The following PPP2R1A variants were observed in gnomAD, a reference collection of about 807,000 sequenced individuals.
PPP2R1A encodes protein phosphatase 2 scaffold subunit Aalpha, also known as serine/threonine-protein phosphatase 2A 65 kDa regulatory subunit A alpha isoform.
PPP2R1A carries 15 observed loss-of-function variants against 67.1 expected under a neutral mutation model. The observed-to-expected ratio is 0.22, with a 90% CI of 0.15 to 0.34. The LOEUF (loss-of-function observed/expected upper bound fraction) is 0.34. PPP2R1A is among the 10% of genes least tolerant of loss of function. The probability of loss-of-function intolerance (pLI) is 1.00; values close to 1 mark genes in which losing one functional copy is unlikely to be tolerated. For missense variants in PPP2R1A, 369 were observed against 775.0 expected (o/e 0.48, Z 6.22); for synonymous variants, 337 against 325.0 (o/e 1.04, Z -0.40).
At chr19:52,221,489 A>G (rs1016542975) in intron 12 of PPP2R1A, among the ~76,000 whole-genome samples, 3 of 152,124 alleles carry the variant, frequency 2.0e-5, no homozygotes, top group Non-Finnish European at 2.9e-5. Flanking sequence ...GGTCAGACCT[A>G]GTTTTAAATT....
Position 52,212,619 on chromosome 19 carries a change from A to G in PPP2R1A, c.504-67A>G. ...CTAAAACCTGGACCCACACAACTGC[A>G]GAGTCTGTGCTTGCTCCTCTCTGCC... On this transcript the variant is annotated intron_variant, in intron 4 of 14. Transcript: ENST00000322088. This position sits in a 1 kb window ranked among gnomAD's most constrained non-coding sequence, Gnocchi z 4.1. The G allele has an allele frequency of 6.4e-7, 1 of 1,572,498 alleles. No homozygotes were observed. Among genetic ancestry groups the G allele is most frequent in the Non-Finnish European group, 8.6e-7 (1 of 1,160,790 alleles).
intron 1 of PPP2R1A, among the ~76,000 whole-genome samples, chr19:52,190,823 T>A (rs1471042884): frequency 1.3e-5 from 2 of 152,092 alleles, no homozygotes; most frequent in Non-Finnish European, 2.9e-5. Context: ...TTGACCAGGA[T>A]AGGGGTTGAG....
chr19:52,190,357 G>T (rs2089441807), intron 1 of PPP2R1A, 183 bp downstream of exon 1: 1 of 694,050 alleles, frequency 1.4e-6, no homozygotes, highest in Non-Finnish European at 2.5e-6. Flanking sequence ...TTGGGTGTCG[G>T]CCCAGTGGAG....
At chr19:52,205,562 T>C (rs1386358088) in intron 2 of PPP2R1A, among the ~76,000 whole-genome samples, 2 of 152,156 alleles carry the variant, frequency 1.3e-5, no homozygotes, top group Non-Finnish European at 2.9e-5. Flanking sequence ...GAGGGAACAG[T>C]GCTGAGGGGA....
At chr19:52,200,633 C>T (rs1251506371) in intron 1 of PPP2R1A, among the ~76,000 whole-genome samples, 4 of 152,142 alleles carry the variant, frequency 2.6e-5, no homozygotes, top group African/African-American at 9.7e-5. Context: ...TTCTGGAGGC[C>T]GGAAGTCTGA....
At chr19:52,214,729 C>T (rs911857482) in intron 6 of PPP2R1A, among the ~76,000 whole-genome samples, 8 of 142,548 alleles carry the variant, frequency 5.6e-5, no homozygotes, top group Admixed American at 2.1e-4. Context: ...GCGTGCCTCC[C>T]TTTTTTTTTT....
rs2089699031 is a variant in PPP2R1A at position 52,213,571 on chromosome 19, C to T, written c.807+461C>T. 6.7e-6 allele frequency among the ~76,000 whole-genome samples: 1 copy of T among 150,274 alleles called. No individual in the cohort carries two copies. The highest frequency in any genetic ancestry group is 1.5e-5 in the Non-Finnish European group (1 of 67,766). Reference sequence around the variant, plus strand: ...AATCTTGGCTCACTGCAGCCTGTCCCTCCCGGGTGCAGGCATTTCTCCTGC... The same window carrying T: ...AATCTTGGCTCACTGCAGCCTGTCCTTCCCGGGTGCAGGCATTTCTCCTGC... On this transcript the variant is annotated intron_variant, in intron 6 of 14. Coordinates refer to ENST00000322088, the MANE Select transcript of PPP2R1A (RefSeq NM_014225.6). The surrounding 1 kb of genome is among the most constrained non-coding windows in gnomAD (Gnocchi z 4.2).
At chr19:52,221,164 C>T (rs777341664) in intron 12 of PPP2R1A, 31 bp downstream of exon 12, 80 of 1,613,580 alleles carry the variant, frequency 5.0e-5, no homozygotes, top group Non-Finnish European at 6.2e-5. Context: ...CTGGCCCATC[C>T]CTAGGGAACT....
At position 52,207,161 on chromosome 19, in the gene PPP2R1A, G is replaced by T. The variant is rs574420587; in HGVS notation, c.270+1098G>T. On this transcript the variant is annotated intron_variant, in intron 3 of 14. Coordinates refer to ENST00000322088, the MANE Select transcript of PPP2R1A (RefSeq NM_014225.6). ...ACACACAGAAAATTGTATACAAATAGATCGTTTCATACATTTTACACAAAA... is the reference window on the plus strand; with the variant it reads ...ACACACAGAAAATTGTATACAAATATATCGTTTCATACATTTTACACAAAA... 4.0e-4 allele frequency among the ~76,000 whole-genome samples: 61 copies of T among 152,266 alleles called. No individual in the cohort carries two copies. In the South Asian group the frequency reaches 0.012, roughly 29 times the overall value.
chr19:52,227,918 G>A lies in PPP2R1A; in HGVS notation c.*1937G>A, dbSNP rs2122389212. On this transcript the variant is annotated 3_prime_UTR_variant, in exon 15 of 15. Transcript: ENST00000322088. Reference sequence around the variant, plus strand: ...ACCAGCAGCCTTTGCATTCTCAGGAGCTTGTTAGAAATGCAGAGCCTCTCG... The same window carrying A: ...ACCAGCAGCCTTTGCATTCTCAGGAACTTGTTAGAAATGCAGAGCCTCTCG... The A allele has an allele frequency of 6.6e-6, 1 of 152,306 alleles. No homozygotes were observed. Among genetic ancestry groups the A allele is most frequent in the South Asian group, 2.1e-4 (1 of 4,822 alleles). The allele number at this position is 152,306 out of a possible 1,614,324, so 9.4% of individuals were successfully genotyped here.
rs1978757120 is a variant in PPP2R1A, at chr19:52,219,030, GA to G, written c.1129-656del. ...CCAGAATTTATAAACTTGTCTAAAT[GA>G]AAAAGGCTACCTTTTTACTGGTGCA... On this transcript the variant is annotated intron_variant, in intron 9 of 14. Transcript: ENST00000322088. The surrounding 1 kb of genome is among the most constrained non-coding windows in gnomAD (Gnocchi z 4.0). Among the ~76,000 whole-genome samples the G allele has an allele frequency of 6.6e-6, 1 of 152,192 alleles. No individual in the cohort carries two copies.
At chr19:52,221,226 G>T in intron 12 of PPP2R1A, 93 bp downstream of exon 12, 1 of 1,524,958 alleles carries the variant, frequency 6.6e-7, no homozygotes, top group Admixed American at 1.8e-5. Context: ...GGAGACACCT[G>T]GCTTGGGAAT....
At chr19:52,220,331 T>C (rs2288409) in intron 11 of PPP2R1A, 82 bp downstream of exon 11, 174,459 of 1,475,590 alleles carry the variant, frequency 0.12, 11,528 homozygotes, top group African/African-American at 0.27. Context: ...TGGCGGGCAG[T>C]GGAGGAGGCT....
chr19:52,218,928 G>A (rs1362388511), intron 9 of PPP2R1A, among the ~76,000 whole-genome samples: 2 of 152,222 alleles, frequency 1.3e-5, no homozygotes, highest in East Asian at 1.9e-4. Context: ...TTTTCTTGGT[G>A]TGAGGAATTC....
intron 2 of PPP2R1A, among the ~76,000 whole-genome samples, chr19:52,205,080 G>C (rs866176475): frequency 1.3e-5 from 2 of 152,354 alleles, no homozygotes; most frequent in East Asian, 3.9e-4. Context: ...GCCAGAGCAA[G>C]GTTACGTGGC....
rs1289340141 is a variant in PPP2R1A at position 52,211,894 on chromosome 19, C to T, written c.503+402C>T. ...GATAAACCACCTCAGTTTTCAGCCT[C>T]CTGCTCGTCTACTTTGCAAACGATT... On this transcript the variant is annotated intron_variant, in intron 4 of 14. Coordinates refer to ENST00000322088, the MANE Select transcript of PPP2R1A (RefSeq NM_014225.6). The surrounding 1 kb of genome is among the most constrained non-coding windows in gnomAD (Gnocchi z 5.3). Among the ~76,000 whole-genome samples, 1 of 152,244 alleles carries T rather than the reference C, an allele frequency of 6.6e-6. No individual in the cohort carries two copies. The highest frequency in any genetic ancestry group is 1.5e-5 in the Non-Finnish European group (1 of 68,048).
At chr19:52,195,350 C>T (rs1816997122) in intron 1 of PPP2R1A, among the ~76,000 whole-genome samples, 1 of 152,178 alleles carries the variant, frequency 6.6e-6, no homozygotes, top group South Asian at 2.1e-4. Context: ...TCTCACTTAA[C>T]ACAACAATCA....
rs746181547 is a variant in PPP2R1A, at chr19:52,221,087, G to C, written c.1472G>C (p.Gly491Ala). The change falls in exon 12 of 15, where the codon GGA (glycine) becomes GCA (alanine). Residue 491 changes from glycine to alanine, a missense_variant. Physicochemically the swap from Gly to Ala is moderately conservative, Grantham distance 60. This residue lies in a region of PPP2R1A where 276 missense variants were observed against 508.4 expected (regional missense o/e 0.54). Coordinates refer to ENST00000322088, the MANE Select transcript of PPP2R1A (RefSeq NM_014225.6). ...ATCCCCAAGGTCTTGGCCATGTCCG[G>C]AGACCCCAACTACCTGCACCGCATG... ...TIIPKVLAMS[G>A]DPNYLHRMTT... 6 of 1,614,246 alleles carry C rather than the reference G, an allele frequency of 3.7e-6. No individual in the cohort carries two copies. Among genetic ancestry groups the C allele is most frequent in the Non-Finnish European group, 5.1e-6 (6 of 1,180,044 alleles).
rs1979320471 is a variant in PPP2R1A at position 52,227,263 on chromosome 19, C to G, written c.*1282C>G. 1 of 152,170 alleles carries G rather than the reference C, an allele frequency of 6.6e-6. No homozygotes were observed. Among genetic ancestry groups the G allele is most frequent in the Non-Finnish European group, 1.5e-5 (1 of 68,054 alleles). 9.4% of individuals were successfully genotyped at this position (152,170 alleles called of 1,614,324 possible). ...TCCCCCACCTTTCCTCCTTCCTGCA[C>G]TCTGGAATGTGGACCAGATGGCTGG... On this transcript the variant is annotated 3_prime_UTR_variant, in exon 15 of 15. Transcript: ENST00000322088.
Sources: gnomAD v4.1 joint callset for allele counts (sites outside exome capture counted in the v4.1 genomes callset) on GRCh38, gnomAD v4.1.1 for gene constraint, gnomAD v4.1.1 regional missense constraint, Gnocchi (gnomAD v3.1) non-coding constraint, MANE v1.5 for transcripts, NCBI Gene and HGNC (gene_info 2026-07-23, HGNC 2026-07-21) for gene names.